DPP10: variants seen among roughly 807,000 people sequenced by gnomAD.
DPP10 encodes the protein dipeptidyl peptidase like 10.
Under a neutral mutation model 120.9 loss-of-function variants are expected in DPP10, and 33 were observed. The ratio of observed to expected loss-of-function variants is 0.27; its 90% confidence interval spans 0.21 to 0.37. DPP10 has a LOEUF of 0.37. DPP10 is among the 10% of genes least tolerant of loss of function. The pLI, the probability that DPP10 is intolerant of heterozygous loss-of-function variation, is 1.00. For synonymous variants in DPP10, 337 were observed against 326.1 expected, an observed-to-expected ratio of 1.03 and a Z score of -0.36; for missense variants, 816 against 942.8, an observed-to-expected ratio of 0.87 and a Z score of 1.76.
intron 4 of DPP10, among the ~76,000 whole-genome samples, chr2:115,508,212 A>G (rs2077048071): frequency 2.6e-5 from 4 of 152,186 alleles, no homozygotes; most frequent in African/African-American, 9.6e-5. Context: ...GAACATAGAC[A>G]TGCAATCCAT....
intron 16 of DPP10, among the ~76,000 whole-genome samples, chr2:115,781,213 A>G (rs1216342098): frequency 3.3e-5 from 5 of 151,902 alleles, no homozygotes; most frequent in African/African-American, 7.2e-5. Context: ...ACATGCACAC[A>G]TAATTAATAA....
chr2:115,596,940 T>C (rs2083024119), intron 5 of DPP10, among the ~76,000 whole-genome samples: 2 of 152,334 alleles, frequency 1.3e-5, no homozygotes, highest in South Asian at 4.1e-4. Context: ...TTGGCTATTT[T>C]ACTTAACTCG....
intron 21 of DPP10, among the ~76,000 whole-genome samples, chr2:115,835,437 CGGAAAGAGAGGGAG>C (rs1346170000): frequency 6.6e-6 from 1 of 151,900 alleles, no homozygotes; most frequent in African/African-American, 2.4e-5. Context: ...CTTCCTGGTG[CGGAAAGAGAGGGAG>C]AGAAAGAGAG....
intron 19 of DPP10, among the ~76,000 whole-genome samples, chr2:115,794,971 C>G (rs1684385358): frequency 6.6e-6 from 1 of 152,104 alleles, no homozygotes; most frequent in Non-Finnish European, 1.5e-5. Context: ...ATCTTGAAGT[C>G]TATAATAGTT....
At chr2:115,628,859 AC>A (rs890228164) in intron 5 of DPP10, among the ~76,000 whole-genome samples, 4 of 151,846 alleles carry the variant, frequency 2.6e-5, no homozygotes, top group Non-Finnish European at 5.9e-5. Context: ...GTACATGTGC[AC>A]AACGTGCAGG....
intron 7 of DPP10, among the ~76,000 whole-genome samples, chr2:115,724,062 T>C (rs961923345): frequency 6.6e-6 from 1 of 152,240 alleles, no homozygotes; most frequent in Non-Finnish European, 1.5e-5. Context: ...TGTGTTTTTA[T>C]TTTCTTTTAA....
intron 1 of DPP10, among the ~76,000 whole-genome samples, chr2:114,596,684 C>T (rs1045858015): frequency 5.3e-5 from 8 of 152,044 alleles, no homozygotes; most frequent in East Asian, 1.9e-4. Context: ...TTCCAGTTAT[C>T]CTGCATAGTA....
chr2:115,345,463 CA>C (rs1362914915), intron 3 of DPP10, among the ~76,000 whole-genome samples: 1 of 152,070 alleles, frequency 6.6e-6, no homozygotes. Flanking sequence ...TACTCTTTAG[CA>C]AATATTTTCT....
intron 1 of DPP10, among the ~76,000 whole-genome samples, chr2:115,262,791 G>T (rs1438042452): frequency 6.6e-6 from 1 of 152,004 alleles, no homozygotes; most frequent in African/African-American, 2.4e-5. Context: ...TCTACATATT[G>T]ACTGTTTTCA....
chr2:114,550,426 C>T (rs1289696978), intron 1 of DPP10, among the ~76,000 whole-genome samples: 2 of 152,208 alleles, frequency 1.3e-5, no homozygotes, highest in Admixed American at 1.3e-4. Context: ...AACTGAGACA[C>T]AGAGAGGTTC....
chr2:115,827,045 T>G (rs1688387924), intron 21 of DPP10, among the ~76,000 whole-genome samples: 2 of 152,086 alleles, frequency 1.3e-5, no homozygotes. Context: ...CCATTTCTTC[T>G]GCTTTTAGTT....
chr2:115,383,642 A>T (rs1368080381), intron 3 of DPP10, among the ~76,000 whole-genome samples: 2 of 152,134 alleles, frequency 1.3e-5, no homozygotes, highest in African/African-American at 4.8e-5. Flanking sequence ...GTCTGTGGAT[A>T]CCTCTGTTTT....
chr2:115,714,103 A>G (rs2092414060), intron 7 of DPP10, among the ~76,000 whole-genome samples: 1 of 152,196 alleles, frequency 6.6e-6, no homozygotes, highest in Non-Finnish European at 1.5e-5. Flanking sequence ...AGTATCACAC[A>G]GAACCACACC....
At chr2:115,360,701 G>C (rs1048598805) in intron 3 of DPP10, among the ~76,000 whole-genome samples, 2 of 152,162 alleles carry the variant, frequency 1.3e-5, no homozygotes, top group Non-Finnish European at 2.9e-5. Flanking sequence ...GCCTAGGCTG[G>C]CAGTGCTGTT....
chr2:114,602,737 G>A (rs1047773898), intron 1 of DPP10, among the ~76,000 whole-genome samples: 7 of 152,030 alleles, frequency 4.6e-5, no homozygotes, highest in East Asian at 3.9e-4. Context: ...AGTGGTGTAC[G>A]TGAGAATAAT....
At chr2:115,401,409 TC>T (rs2068063286) in intron 3 of DPP10, among the ~76,000 whole-genome samples, 1 of 152,044 alleles carries the variant, frequency 6.6e-6, no homozygotes, top group African/African-American at 2.4e-5. Flanking sequence ...GAGAAGTCTT[TC>T]CCTGCAAAAA....
intron 1 of DPP10, among the ~76,000 whole-genome samples, chr2:114,551,870 C>T (rs1573632900): frequency 2.0e-5 from 3 of 152,244 alleles, no homozygotes; most frequent in South Asian, 4.1e-4. Flanking sequence ...TGTTAACATT[C>T]AAATACTATT....
chr2:115,167,351 A>C (rs915506086), intron 1 of DPP10, among the ~76,000 whole-genome samples: 1 of 151,944 alleles, frequency 6.6e-6, no homozygotes, highest in Non-Finnish European at 1.5e-5. Context: ...TGAGCCTAGG[A>C]GTTCTAGACC....
intron 5 of DPP10, among the ~76,000 whole-genome samples, chr2:115,675,798 T>C (rs2149455762): frequency 6.6e-6 from 1 of 152,300 alleles, no homozygotes; most frequent in Middle Eastern, 3.4e-3. Flanking sequence ...ACCCAGGTTA[T>C]TGCAGCACAA....
Sources: gnomAD v4.1 joint callset for allele counts (sites outside exome capture counted in the v4.1 genomes callset) on GRCh38, gnomAD v4.1.1 for gene constraint, MANE v1.5 for transcripts, NCBI Gene and HGNC (gene_info 2026-07-23, HGNC 2026-07-21) for gene names.